The following KIF13A variants were observed in gnomAD, a reference collection of about 807,000 sequenced individuals.
The protein encoded by KIF13A is kinesin-like protein KIF13A.
Under a neutral mutation model 212.2 loss-of-function variants are expected in KIF13A, and 79 were observed. The ratio of observed to expected loss-of-function variants is 0.37; its 90% CI spans 0.31 to 0.45. The LOEUF (loss-of-function observed/expected upper bound fraction) is 0.45. KIF13A is among the 20% of genes least tolerant of loss of function. The probability of loss-of-function intolerance (pLI) is 1.00; values close to 1 mark genes in which losing one functional copy is unlikely to be tolerated. For synonymous variants in KIF13A, 789 were observed against 808.6 expected (o/e 0.98, Z 0.41); for missense variants, 1,901 against 2,209.0 (o/e 0.86, Z 2.79).
In KIF13A at chr6:17,895,448, C is replaced by T. The variant is rs1772478289; in HGVS notation, c.159+2720G>A. Among the ~76,000 whole-genome samples the T allele has an allele frequency of 6.6e-6, 1 of 152,134 alleles. No homozygotes were observed. Among genetic ancestry groups the T allele is most frequent in the African/African-American group, 2.4e-5 (1 of 41,446 alleles). ...ACCTGCATTCTGGTATCACTTTGTT[C>T]CAATTTTTGTGCTTGAGATTTCCTG... On this transcript the variant is annotated intron_variant, in intron 3 of 38. Coordinates refer to ENST00000259711, the MANE Select transcript of KIF13A (RefSeq NM_022113.6). The surrounding 1 kb of genome is among the most constrained non-coding windows in gnomAD (Gnocchi z 4.4).
intron 9 of KIF13A, among the ~76,000 whole-genome samples, chr6:17,845,811 G>A (rs1205079691): frequency 6.6e-6 from 1 of 152,182 alleles, no homozygotes; most frequent in African/African-American, 2.4e-5. Flanking sequence ...GCCACGCAGT[G>A]TCTTAATTCT....
chr6:17,766,511 TACAG>T (rs1554159096), intron 38 of KIF13A, among the ~76,000 whole-genome samples: 1 of 152,114 alleles, frequency 6.6e-6, no homozygotes, highest in Non-Finnish European at 1.5e-5. Flanking sequence ...GTGCTGCGAT[TACAG>T]GCATGAGACA....
rs766160190 is a variant in KIF13A, at chr6:17,855,645, C to T, written c.314-28G>A. On this transcript the variant is annotated intron_variant, in intron 5 of 38. Transcript: ENST00000259711. The surrounding 1 kb of genome is among the most constrained non-coding windows in gnomAD (Gnocchi z 4.1). ...GGAGAACAGCAAGGAAAAAGAAGAA[C>T]AGGTAGAGGAGGGAGCAAAATGCAA... is the stretch of plus-strand genomic sequence containing the variant. 7.0e-6 allele frequency: 11 copies of T among 1,568,238 alleles called. No homozygotes were observed. Among genetic ancestry groups the T allele is most frequent in the African/African-American group, 1.4e-5 (1 of 73,038 alleles).
rs189529638 is a variant in KIF13A at position 17,768,081 on chromosome 6, T to C, written c.4581+3033A>G. 7.2e-5 allele frequency among the ~76,000 whole-genome samples: 11 copies of C among 152,258 alleles called. No individual in the cohort carries two copies. The highest frequency in any genetic ancestry group is 2.1e-4 in the South Asian group (1 of 4,818). ...ACATTTTCCAATACTTAAAAGGAGA[T>C]TGAATGTTTATTGAGTTATTGCCAA... On this transcript the variant is annotated intron_variant, in intron 38 of 38. Coordinates refer to ENST00000259711, the MANE Select transcript of KIF13A (RefSeq NM_022113.6). This position sits in a 1 kb window ranked among gnomAD's most constrained non-coding sequence, Gnocchi z 5.4.
At chr6:17,781,571 T>G (rs79379473) in intron 29 of KIF13A, among the ~76,000 whole-genome samples, 3,800 of 151,564 alleles carry the variant, frequency 0.025, 74 homozygotes, top group Non-Finnish European at 0.04. Context: ...TGAATCTTCC[T>G]GCCTTGACTT....
At chr6:17,940,676 T>C (rs980384096) in intron 2 of KIF13A, among the ~76,000 whole-genome samples, 2 of 152,210 alleles carry the variant, frequency 1.3e-5, no homozygotes, top group African/African-American at 4.8e-5. Context: ...CTTGAACTAA[T>C]GGCTGCATAA....
chr6:17,972,608 G>C (rs1201105731), intron 2 of KIF13A, among the ~76,000 whole-genome samples: 1 of 152,152 alleles, frequency 6.6e-6, no homozygotes, highest in Admixed American at 6.5e-5. Context: ...ATCCGGGACA[G>C]ATCTTTTCAA....
chr6:17,987,414 C>A lies in KIF13A; in HGVS notation c.50G>T (p.Arg17Leu). The change falls in exon 1 of 39, where the codon CGA (arginine) becomes CTA (leucine). Residue 17 changes from arginine (R) to leucine (L), a missense_variant. Physicochemically the swap from Arg to Leu is moderately radical, Grantham distance 102 (BLOSUM62 -2). Transcript: ENST00000259711. The surrounding 1 kb of genome is among the most constrained non-coding windows in gnomAD (Gnocchi z 7.7). ...AAGAGCGGAAAGCTCCTCACCTCGT[C>A]GGTTCATGGGCCGGACCCGGACGGC... is the stretch of plus-strand genomic sequence containing the variant. ...KVAVRVRPMNRRELELNTKCV... is the reference protein window; with the variant it reads ...KVAVRVRPMNLRELELNTKCV... 1.5e-6 allele frequency: 2 copies of A among 1,371,972 alleles called. No individual in the cohort carries two copies. Among genetic ancestry groups the A allele is most frequent in the Non-Finnish European group, 1.9e-6 (2 of 1,034,020 alleles). 85.0% of individuals were successfully genotyped at this position (1,371,972 alleles called of 1,614,324 possible).
chr6:17,945,074 AC>A (rs1306976129), intron 2 of KIF13A, among the ~76,000 whole-genome samples: 1 of 152,190 alleles, frequency 6.6e-6, no homozygotes, highest in African/African-American at 2.4e-5. Flanking sequence ...GCAGTTTGAG[AC>A]CAGTCTGGGC....
chr6:17,938,689 T>A (rs1776686653), intron 2 of KIF13A, among the ~76,000 whole-genome samples: 1 of 152,218 alleles, frequency 6.6e-6, no homozygotes, highest in African/African-American at 2.4e-5. Flanking sequence ...TATTTCGTTT[T>A]CTGAACTATA....
rs1450751364 is a variant in KIF13A at position 17,786,939 on chromosome 6, T to G, written c.3361+837A>C. 6.6e-6 allele frequency among the ~76,000 whole-genome samples: 1 copy of G among 152,092 alleles called. No individual in the cohort carries two copies. Among genetic ancestry groups the G allele is most frequent in the East Asian group, 1.9e-4 (1 of 5,184 alleles). On this transcript the variant is annotated intron_variant, in intron 27 of 38. Transcript: ENST00000259711. The surrounding 1 kb of genome is among the most constrained non-coding windows in gnomAD (Gnocchi z 5.4). ...GGACCATGATGTCTGGATGACAGAC[T>G]AAGGATTTTAAGTGCATATTTCTAC...
rs1778793756 is a variant in KIF13A, at chr6:17,961,254, G to C, written c.146+25800C>G. Among the ~76,000 whole-genome samples, 1 of 152,220 alleles carries C rather than the reference G, an allele frequency of 6.6e-6. No individual in the cohort carries two copies. The highest frequency in any genetic ancestry group is 2.4e-5 in the African/African-American group (1 of 41,462). On this transcript the variant is annotated intron_variant, in intron 2 of 38. Transcript: ENST00000259711. This position sits in a 1 kb window ranked among gnomAD's most constrained non-coding sequence, Gnocchi z 4.1. ...CTTAATGAGATCTGGACTTGGCAAG[G>C]AGGTGGACTTCACTAGTGTGGGCTG...
intron 16 of KIF13A, among the ~76,000 whole-genome samples, chr6:17,817,897 G>A (rs1204913618): frequency 1.3e-5 from 2 of 152,178 alleles, no homozygotes; most frequent in African/African-American, 4.8e-5. Context: ...CATGCACATG[G>A]GTGAAAAGGT....
chr6:17,974,701 T>A (rs185891237), intron 2 of KIF13A, among the ~76,000 whole-genome samples: 3 of 152,246 alleles, frequency 2.0e-5, no homozygotes, highest in Admixed American at 2.0e-4. Context: ...TACAGCCCAA[T>A]TAAGTGAGAA....
chr6:17,817,752 G>A (rs1764076345), intron 16 of KIF13A, among the ~76,000 whole-genome samples: 1 of 152,194 alleles, frequency 6.6e-6, no homozygotes, highest in African/African-American at 2.4e-5. Context: ...ACAGATCACA[G>A]CACATGTTTG....
intron 11 of KIF13A, among the ~76,000 whole-genome samples, chr6:17,835,796 T>C (rs2181796): frequency 0.45 from 68,404 of 152,066 alleles, 15,987 homozygotes; most frequent in South Asian, 0.54. Context: ...TTTGATAAAA[T>C]ATGCTGATGG....
Position 17,796,760 on chromosome 6 carries a change from T to A in KIF13A, c.2851A>T (p.Ile951Phe). 6.3e-7 allele frequency: 1 copy of A among 1,587,946 alleles called. No homozygotes were observed. Among genetic ancestry groups the A allele is most frequent in the Admixed American group, 1.7e-5 (1 of 57,200 alleles). Residue 951 changes from isoleucine to phenylalanine, a missense_variant, in exon 23 of 39, where the codon ATT (isoleucine) becomes TTT (phenylalanine). This residue lies in a region of KIF13A where 534 missense variants were observed against 536.9 expected (regional missense o/e 0.99). Transcript: ENST00000259711. The part of the protein sequence containing the change: ...LEFISDGALA[I>F]EVWGHRCAGN... ...GCACACCGGTGGCCCCATACTTCAATGGCCAGTGCTCCATCTGAAATGAAC... is the reference window on the plus strand; with the variant it reads ...GCACACCGGTGGCCCCATACTTCAAAGGCCAGTGCTCCATCTGAAATGAAC...
At chr6:17,836,518 C>G (rs1765965229) in intron 11 of KIF13A, among the ~76,000 whole-genome samples, 1 of 152,218 alleles carries the variant, frequency 6.6e-6, no homozygotes, top group Non-Finnish European at 1.5e-5. Context: ...TGCCAATAAA[C>G]ACTGAAGTGC....
Position 17,987,488 on chromosome 6 carries a change from C to G in KIF13A, c.-25G>C. ...TGTTGGCTGCGCTCGCCCGGCCGCT[C>G]GCCGCGCCCGCTCGGCCTTAGGCGG... On this transcript the variant is annotated 5_prime_UTR_variant, in exon 1 of 39. Transcript: ENST00000259711. The surrounding 1 kb of genome is among the most constrained non-coding windows in gnomAD (Gnocchi z 7.7). 8.0e-6 allele frequency: 10 copies of G among 1,248,176 alleles called. No homozygotes were observed. Among genetic ancestry groups the G allele is most frequent in the Non-Finnish European group, 1.0e-5 (10 of 961,968 alleles). The allele number at this position is 1,248,176 out of a possible 1,614,324, so 77.3% of individuals were successfully genotyped here. A position where few individuals can be genotyped will look rare whatever the true frequency, so the allele number is the denominator to read the frequency against.
Sources: allele counts gnomAD v4.1 joint callset (sites outside exome capture counted in the v4.1 genomes callset), GRCh38; gene constraint gnomAD v4.1.1; regional missense constraint gnomAD v4.1.1; non-coding constraint Gnocchi (gnomAD v3.1); transcripts MANE v1.5; gene names NCBI Gene and HGNC (gene_info 2026-07-23, HGNC 2026-07-21).